Variants in EHMT1 observed in about 807,000 individuals in gnomAD.
The protein encoded by EHMT1 is euchromatic histone lysine methyltransferase 1.
A neutral mutation model predicts 147.2 loss-of-function variants in EHMT1; 15 were observed. That is an observed-to-expected ratio of 0.10 (90% CI 0.07 to 0.16). The LOEUF (loss-of-function observed/expected upper bound fraction) is 0.16, where lower values mean the gene tolerates loss of function less well. Ranked by LOEUF, EHMT1 falls within the 10% of genes least tolerant of loss-of-function variation. The probability of loss-of-function intolerance (pLI) is 1.00; values close to 1 mark genes in which losing one functional copy is unlikely to be tolerated. For missense variants in EHMT1, 1,587 were observed against 1,772.4 expected, an observed-to-expected ratio of 0.90 and a Z score of 1.88; for synonymous variants, 795 against 709.6, an observed-to-expected ratio of 1.12 and a Z score of -1.91.
intron 1 of EHMT1, among the ~76,000 whole-genome samples, chr9:137,648,964 G>A (rs1371926139): frequency 6.6e-6 from 1 of 152,184 alleles, no homozygotes; most frequent in Non-Finnish European, 1.5e-5. Flanking sequence ...CTTATGAGCT[G>A]TACCATCTTA....
chr9:137,635,373 AT>A (rs895933639), intron 1 of EHMT1, among the ~76,000 whole-genome samples: 2,839 of 144,160 alleles, frequency 0.02, 38 homozygotes, highest in African/African-American at 0.042. Context: ...CGCCCAGCTA[AT>A]TTTTTTTTTT....
At chr9:137,827,991 C>T (rs1040684443) in intron 25 of EHMT1, among the ~76,000 whole-genome samples, 1 of 152,166 alleles carries the variant, frequency 6.6e-6, no homozygotes, top group African/African-American at 2.4e-5. Flanking sequence ...GGAGGCCGTG[C>T]CCCTGTGTGA....
At chr9:137,639,175 C>T (rs1462466168) in intron 1 of EHMT1, among the ~76,000 whole-genome samples, 1 of 150,806 alleles carries the variant, frequency 6.6e-6, no homozygotes, top group East Asian at 1.9e-4. Context: ...AATGTAATTC[C>T]TGTATGGTCA....
chr9:137,777,814 GCAGT>G (rs1951072616), intron 12 of EHMT1, 64 bp from the exon 13 acceptor site: 8 of 1,597,174 alleles, frequency 5.0e-6, no homozygotes, highest in Non-Finnish European at 6.8e-6. Flanking sequence ...GCGCTCTCGG[GCAGT>G]CAGAGTCGGA....
intron 1 of EHMT1, among the ~76,000 whole-genome samples, chr9:137,684,280 G>A (rs1210514524): frequency 6.6e-6 from 1 of 151,956 alleles, no homozygotes; most frequent in Non-Finnish European, 1.5e-5. Flanking sequence ...CAATCTGCCC[G>A]CCTTGGCCTC....
intron 6 of EHMT1, chr9:137,746,830 TTCTC>T (rs1183386011): frequency 1.3e-5 from 2 of 152,234 alleles, no homozygotes; most frequent in Non-Finnish European, 2.9e-5. Flanking sequence ...TATTTCTCGA[TTCTC>T]TCTTTCGATT....
At chr9:137,760,937 G>T (rs966295131) in intron 9 of EHMT1, among the ~76,000 whole-genome samples, 3 of 152,232 alleles carry the variant, frequency 2.0e-5, no homozygotes, top group Non-Finnish European at 4.4e-5. Flanking sequence ...GAACCTGGGG[G>T]CAGAGCTTGC....
chr9:137,783,066 AC>A (rs1235628093), intron 15 of EHMT1, among the ~76,000 whole-genome samples: 5 of 152,132 alleles, frequency 3.3e-5, no homozygotes, highest in Middle Eastern at 3.2e-3. Flanking sequence ...GACTTTAGGA[AC>A]TTTCCTTGAA....
At chr9:137,689,343 G>A (rs1173596447) in intron 1 of EHMT1, among the ~76,000 whole-genome samples, 1 of 152,120 alleles carries the variant, frequency 6.6e-6, no homozygotes, top group Non-Finnish European at 1.5e-5. Flanking sequence ...TATTGTTTTT[G>A]TGAGTATGTA....
In EHMT1 at chr9:137,732,786, C is replaced by T. The variant is rs775677370; in HGVS notation, c.823+4257C>T. On this transcript the variant is annotated intron_variant, in intron 4 of 26. Transcript: ENST00000460843. This position sits in a 1 kb window ranked among gnomAD's most constrained non-coding sequence, Gnocchi z 4.6. ...GCCATTATCACTTTTATTTCTTCAA[C>T]TGTCACTCCATTGCCTGCCATTCAT... is the stretch of plus-strand genomic sequence containing the variant. Among the ~76,000 whole-genome samples the T allele has an allele frequency of 6.6e-6, 1 of 152,204 alleles. No homozygotes were observed. The highest frequency in any genetic ancestry group is 1.5e-5 in the Non-Finnish European group (1 of 68,026).
At chr9:137,753,288 A>G (rs1005415264) in intron 7 of EHMT1, among the ~76,000 whole-genome samples, 3 of 152,074 alleles carry the variant, frequency 2.0e-5, no homozygotes, top group Non-Finnish European at 4.4e-5. Flanking sequence ...GAGTGGGAGG[A>G]GGACACGGGG....
At chr9:137,661,039 T>A (rs1488449967) in intron 1 of EHMT1, among the ~76,000 whole-genome samples, 2 of 152,240 alleles carry the variant, frequency 1.3e-5, no homozygotes, top group Non-Finnish European at 2.9e-5. Flanking sequence ...CACGATATGA[T>A]GTCGAAAAGA....
intron 1 of EHMT1, among the ~76,000 whole-genome samples, chr9:137,669,240 G>C (rs1370134163): frequency 6.6e-6 from 1 of 151,270 alleles, no homozygotes; most frequent in Non-Finnish European, 1.5e-5. Flanking sequence ...CTCGCACCCT[G>C]CACCCTTCTC....
chr9:137,739,788 G>A (rs931477413), intron 4 of EHMT1, among the ~76,000 whole-genome samples: 3 of 152,210 alleles, frequency 2.0e-5, no homozygotes, highest in African/African-American at 2.4e-5. Context: ...TGGAGTGTTC[G>A]TGCCTTCTGC....
rs761075600 is a variant in EHMT1 at position 137,776,293 on chromosome 9, C to T, written c.1792-325C>T. Among the ~76,000 whole-genome samples, 23 of 152,186 alleles carry T rather than the reference C, an allele frequency of 1.5e-4. No homozygotes were observed. Among genetic ancestry groups the T allele is most frequent in the Non-Finnish European group, 2.4e-4 (16 of 68,042 alleles). ...GCTGTCGTCTGTCCCTGTCCCTATC[C>T]GCCCTTCAGAGTAGGGGCCTTCTGG... is the stretch of plus-strand genomic sequence containing the variant. On this transcript the variant is annotated intron_variant, in intron 11 of 26. Transcript: ENST00000460843. This position sits in a 1 kb window ranked among gnomAD's most constrained non-coding sequence, Gnocchi z 4.4.
At chr9:137,694,806 A>G (rs1943262770) in intron 1 of EHMT1, among the ~76,000 whole-genome samples, 1 of 152,238 alleles carries the variant, frequency 6.6e-6, no homozygotes, top group Non-Finnish European at 1.5e-5. Context: ...ATCTCCTGGA[A>G]GGCAGGCCAT....
intron 25 of EHMT1, among the ~76,000 whole-genome samples, chr9:137,818,431 ATCT>A (rs1190453314): frequency 1.3e-5 from 2 of 149,914 alleles, no homozygotes; most frequent in Non-Finnish European, 3.0e-5. Flanking sequence ...ACAACTGAGA[ATCT>A]TGGGTTGGGG....
intron 1 of EHMT1, among the ~76,000 whole-genome samples, chr9:137,656,679 G>T (rs948629990): frequency 6.6e-6 from 1 of 152,102 alleles, no homozygotes. Flanking sequence ...TCCAAGGGCC[G>T]TGCTGGGCCT....
intron 1 of EHMT1, among the ~76,000 whole-genome samples, chr9:137,669,220 C>A (rs960985494): frequency 6.6e-6 from 1 of 151,988 alleles, no homozygotes; most frequent in Admixed American, 6.6e-5. Context: ...CTTCATGTCT[C>A]GTCTTCCCTC....
Sources: allele counts gnomAD v4.1 joint callset (sites outside exome capture counted in the v4.1 genomes callset), GRCh38; gene constraint gnomAD v4.1.1; non-coding constraint Gnocchi (gnomAD v3.1); transcripts MANE v1.5; gene names NCBI Gene and HGNC (gene_info 2026-07-23, HGNC 2026-07-21).